BTBD9: variants seen among roughly 807,000 people sequenced by gnomAD.
BTBD9 encodes BTB domain containing 9.
BTBD9 carries 49 observed loss-of-function variants against 64.3 expected under a neutral mutation model. That is an observed-to-expected ratio of 0.76 (90% CI 0.61 to 0.97). The LOEUF (loss-of-function observed/expected upper bound fraction) is 0.97, where lower values mean the gene tolerates loss of function less well. Among genes scored for constraint, BTBD9 ranks in the 50% least tolerant of loss-of-function variants. BTBD9 has a pLI of 0.00. For missense variants in BTBD9, 598 were observed against 762.1 expected, an observed-to-expected ratio of 0.78 and a Z score of 2.53; for synonymous variants, 260 against 274.7, an observed-to-expected ratio of 0.95 and a Z score of 0.53.
chr6:38,318,239 C>T (rs1473909587), intron 7 of BTBD9, among the ~76,000 whole-genome samples: 1 of 152,132 alleles, frequency 6.6e-6, no homozygotes, highest in African/African-American at 2.4e-5. Flanking sequence ...CAAATATCTC[C>T]GTCTCTGCAG....
chr6:38,609,569 A>C (rs1349100994), intron 1 of BTBD9, among the ~76,000 whole-genome samples: 2 of 152,202 alleles, frequency 1.3e-5, no homozygotes, highest in African/African-American at 4.8e-5. Flanking sequence ...AATCCAATTA[A>C]AAAAAGACAC....
At chr6:38,215,617 C>T (rs1245516857) in intron 9 of BTBD9, among the ~76,000 whole-genome samples, 6 of 152,308 alleles carry the variant, frequency 3.9e-5, no homozygotes, top group Middle Eastern at 6.8e-3. Context: ...AAAAGTTCAA[C>T]GGAGTGTGTG....
chr6:38,471,937 T>C (rs1216646243), intron 6 of BTBD9, among the ~76,000 whole-genome samples: 1 of 152,226 alleles, frequency 6.6e-6, no homozygotes, highest in Non-Finnish European at 1.5e-5. Context: ...GTTGAATATA[T>C]TTGCAATTTC....
intron 6 of BTBD9, among the ~76,000 whole-genome samples, chr6:38,394,643 G>A (rs1376957841): frequency 1.4e-5 from 2 of 144,994 alleles, no homozygotes; most frequent in Non-Finnish European, 3.0e-5. Flanking sequence ...AAATGACAAT[G>A]TCTGACTTTC....
At chr6:38,490,763 G>C (rs181798594) in intron 6 of BTBD9, among the ~76,000 whole-genome samples, 62 of 152,300 alleles carry the variant, frequency 4.1e-4, no homozygotes, top group East Asian at 3.9e-4. Flanking sequence ...TGGTAAAAAC[G>C]AATGTCTGAC....
At chr6:38,368,394 G>A (rs1228253376) in intron 6 of BTBD9, among the ~76,000 whole-genome samples, 1 of 152,072 alleles carries the variant, frequency 6.6e-6, no homozygotes, top group Non-Finnish European at 1.5e-5. Flanking sequence ...GAGTGCAGTG[G>A]CGTGATCTCA....
At chr6:38,356,910 A>G (rs1764748861) in intron 6 of BTBD9, among the ~76,000 whole-genome samples, 1 of 152,184 alleles carries the variant, frequency 6.6e-6, no homozygotes, top group Non-Finnish European at 1.5e-5. Context: ...ACAGGATAGA[A>G]GAATGTGTTT....
chr6:38,493,597 G>T (rs938741501), intron 6 of BTBD9, among the ~76,000 whole-genome samples: 5 of 152,218 alleles, frequency 3.3e-5, no homozygotes, highest in African/African-American at 1.2e-4. Context: ...GATGTTAGGA[G>T]ATTCCTGTCA....
intron 6 of BTBD9, among the ~76,000 whole-genome samples, chr6:38,556,597 A>G (rs1281732766): frequency 6.6e-6 from 1 of 151,108 alleles, no homozygotes; most frequent in Non-Finnish European, 1.5e-5. Context: ...CAGGAGTAAA[A>G]GTTATTACTT....
intron 9 of BTBD9, among the ~76,000 whole-genome samples, chr6:38,242,231 A>C (rs1005841251): frequency 1.3e-5 from 2 of 152,198 alleles, no homozygotes; most frequent in African/African-American, 4.8e-5. Context: ...CAGGCACAAC[A>C]TGAGCCAGTA....
intron 6 of BTBD9, among the ~76,000 whole-genome samples, chr6:38,393,917 CTGTT>C (rs1227669382): frequency 2.0e-5 from 3 of 152,280 alleles, no homozygotes; most frequent in East Asian, 3.9e-4. Flanking sequence ...GGCCTATTAT[CTGTT>C]TGGGCACTAT....
rs989234826 is a variant in BTBD9, at chr6:38,184,174, T to C, written c.1641+8345A>G. Among the ~76,000 whole-genome samples the C allele has an allele frequency of 1.3e-5, 2 of 152,154 alleles. No individual in the cohort carries two copies. Among genetic ancestry groups the C allele is most frequent in the African/African-American group, 4.8e-5 (2 of 41,438 alleles). On this transcript the variant is annotated intron_variant, in intron 10 of 10. Transcript: ENST00000481247. The surrounding 1 kb of genome is among the most constrained non-coding windows in gnomAD (Gnocchi z 4.4). ...GTGGATGGACGCTCGTGGTATCCCG[T>C]TGGGTTCAGGATGAACAAGGCTGCG...
Position 38,174,684 on chromosome 6 carries a change from T to C in BTBD9, c.*301A>G, listed in dbSNP as rs189877496. The stretch of plus-strand genomic sequence containing the variant: ...CAACACAGGCCTGTCTATGACTTCC[T>C]CCTGTTCCCTGCGCCTGGGCTAGAT... On this transcript the variant is annotated 3_prime_UTR_variant, in exon 11 of 11. Coordinates refer to ENST00000481247, the MANE Select transcript of BTBD9 (RefSeq NM_001099272.2). 3 of 411,078 alleles carry C rather than the reference T, an allele frequency of 7.3e-6. No homozygotes were observed. The East Asian group carries it at 1.2e-4, about 17-fold the overall frequency. 25.5% of individuals were successfully genotyped at this position (411,078 alleles called of 1,614,324 possible).
intron 6 of BTBD9, among the ~76,000 whole-genome samples, chr6:38,441,774 C>A (rs1230050356): frequency 6.6e-6 from 1 of 152,100 alleles, no homozygotes; most frequent in Admixed American, 6.5e-5. Flanking sequence ...TTACTGGGTG[C>A]CAGATACTAT....
At chr6:38,274,910 G>T (rs1227727104) in intron 8 of BTBD9, among the ~76,000 whole-genome samples, 1 of 152,100 alleles carries the variant, frequency 6.6e-6, no homozygotes, top group African/African-American at 2.4e-5. Flanking sequence ...AGTTAGGGAG[G>T]ATTCCCTCTT....
chr6:38,468,621 T>A (rs1770502349), intron 6 of BTBD9, among the ~76,000 whole-genome samples: 1 of 152,208 alleles, frequency 6.6e-6, no homozygotes, highest in Non-Finnish European at 1.5e-5. Context: ...TGTAAGCCCC[T>A]TGAAGGCAGA....
chr6:38,262,823 C>T (rs982279136), intron 8 of BTBD9, among the ~76,000 whole-genome samples: 2 of 152,156 alleles, frequency 1.3e-5, no homozygotes, highest in African/African-American at 4.8e-5. Context: ...GCACTTTTTT[C>T]ATCCTTTTCT....
At chr6:38,556,548 TGTGAGAGAGAGA>T (rs1220126669) in intron 6 of BTBD9, among the ~76,000 whole-genome samples, 70 of 72,090 alleles carry the variant, frequency 9.7e-4, no homozygotes, top group African/African-American at 3.1e-3. Context: ...TGTGTGTGTG[TGTGAGAGAGAGA>T]GAGAGAGAGA....
chr6:38,232,524 C>G (rs1053506748), intron 9 of BTBD9, among the ~76,000 whole-genome samples: 1 of 152,100 alleles, frequency 6.6e-6, no homozygotes, highest in Non-Finnish European at 1.5e-5. Context: ...CCTGCCTCAG[C>G]AGAAAAGAGA....
Sources: gnomAD v4.1 joint callset for allele counts (sites outside exome capture counted in the v4.1 genomes callset) on GRCh38, gnomAD v4.1.1 for gene constraint, Gnocchi (gnomAD v3.1) non-coding constraint, MANE v1.5 for transcripts, NCBI Gene and HGNC (gene_info 2026-07-23, HGNC 2026-07-21) for gene names.